MEGF9: variants seen among roughly 807,000 people sequenced by gnomAD.
The protein encoded by MEGF9 is multiple epidermal growth factor-like domains protein 9.
In MEGF9, 6 loss-of-function variants were observed where a neutral mutation model predicts 46.8. The ratio of observed to expected loss-of-function variants is 0.13; its 90% CI spans 0.07 to 0.25. MEGF9 has a LOEUF of 0.25. Among genes scored for constraint, MEGF9 ranks in the 10% least tolerant of loss-of-function variants. The probability of loss-of-function intolerance (pLI) is 1.00; values close to 1 mark genes in which losing one functional copy is unlikely to be tolerated. For synonymous variants in MEGF9, 302 were observed against 330.7 expected, an observed-to-expected ratio of 0.91 and a Z score of 0.94; for missense variants, 683 against 792.4, an observed-to-expected ratio of 0.86 and a Z score of 1.66.
At chr9:120,625,346 C>T (rs1342025414) in intron 2 of MEGF9, among the ~76,000 whole-genome samples, 2 of 152,138 alleles carry the variant, frequency 1.3e-5, no homozygotes, top group Non-Finnish European at 2.9e-5. Context: ...CCTAAGTATT[C>T]AGGGATTAGG....
Position 120,714,092 on chromosome 9 carries a change from T to A in MEGF9, c.267A>T (p.Arg89=). 8.0e-7 allele frequency: 1 copy of A among 1,254,794 alleles called. No individual in the cohort carries two copies. The highest frequency in any genetic ancestry group is 1.0e-6 in the Non-Finnish European group (1 of 999,626). 77.7% of individuals were successfully genotyped at this position (1,254,794 alleles called of 1,614,324 possible). Residue 89 remains arginine, a synonymous_variant, in exon 1 of 6, where the codon CGA becomes CGT. Transcript: ENST00000373930. ...GGGCTGGAGAAGTCGCAGCCAGGGGTCGGTGGACGGTGGCGCGCGGGGGCC... is the reference window on the plus strand; with the variant it reads ...GGGCTGGAGAAGTCGCAGCCAGGGGACGGTGGACGGTGGCGCGCGGGGGCC... ...RTGPPRATVH[R]PLAATSPAQS...
In MEGF9 at chr9:120,605,378, A is replaced by G. The variant is rs982251735; in HGVS notation, c.1621T>C (p.Tyr541His). Residue 541 changes from tyrosine (Y) to histidine (H), a missense_variant, in exon 6 of 6, where the codon TAC becomes CAC. Around this residue, in one of 2 missense-constraint regions of MEGF9, gnomAD observed 313 missense variants for 421.1 expected, o/e 0.74. Transcript: ENST00000373930. The surrounding 1 kb of genome is among the most constrained non-coding windows in gnomAD (Gnocchi z 4.0). ...GGGGCATTGAGTTTCCGGTTTTGGT[A>G]CTCGCGGTACATATATACAGCCCCC... ...FVGAVYMYRE[Y>H]QNRKLNAPFW... 6 of 1,613,954 alleles carry G rather than the reference A, an allele frequency of 3.7e-6. No homozygotes were observed. The highest frequency in any genetic ancestry group is 5.1e-6 in the Non-Finnish European group (6 of 1,179,886).
intron 2 of MEGF9, among the ~76,000 whole-genome samples, chr9:120,629,870 T>C (rs377468006): frequency 3.3e-5 from 5 of 151,838 alleles, no homozygotes; most frequent in Non-Finnish European, 5.9e-5. Flanking sequence ...CAGGTGGAGG[T>C]TGCAGTGAGC....
At position 120,654,487 on chromosome 9, in the gene MEGF9, T is replaced by C. The variant is rs117175202; in HGVS notation, c.803+4887A>G. On this transcript the variant is annotated intron_variant, in intron 2 of 5. Coordinates refer to ENST00000373930, the MANE Select transcript of MEGF9 (RefSeq NM_001080497.3). ...AGCTGTGGTAACACACTGCAACATA[T>C]TACTCATGTGTTCATGGTGATGTTG... Among the ~76,000 whole-genome samples the C allele has an allele frequency of 4.3e-4, 65 of 152,314 alleles. 1 individual carries two copies. In the East Asian group the frequency reaches 7.9e-3, roughly 19 times the overall value.
intron 2 of MEGF9, among the ~76,000 whole-genome samples, chr9:120,644,638 T>C (rs1208853555): frequency 6.6e-6 from 1 of 152,220 alleles, no homozygotes; most frequent in East Asian, 1.9e-4. Context: ...AAATTAAGCC[T>C]CAGTTTCTTC....
intron 1 of MEGF9, among the ~76,000 whole-genome samples, chr9:120,676,627 T>C (rs1344987248): frequency 6.6e-6 from 1 of 152,176 alleles, no homozygotes; most frequent in Non-Finnish European, 1.5e-5. Context: ...GATCTTCCAT[T>C]AAAGGTCATA....
chr9:120,607,694 T>C (rs2043425690), intron 5 of MEGF9, 47 bp downstream of exon 5: 2 of 1,587,814 alleles, frequency 1.3e-6, no homozygotes, highest in East Asian at 4.5e-5. Context: ...CATTTTTCAC[T>C]GCTAGTTTTA....
At chr9:120,673,094 T>C (rs1013155364) in intron 1 of MEGF9, among the ~76,000 whole-genome samples, 11 of 152,202 alleles carry the variant, frequency 7.2e-5, no homozygotes, top group Admixed American at 2.0e-4. Flanking sequence ...CTATGTGTTA[T>C]GAATGAACAG....
At chr9:120,690,118 C>A in intron 1 of MEGF9, 14 of 389,802 alleles carry the variant, frequency 3.6e-5, no homozygotes, top group South Asian at 2.8e-4. Context: ...AATAAACATT[C>A]CAGATATATA....
intron 1 of MEGF9, among the ~76,000 whole-genome samples, chr9:120,669,918 G>C (rs942532351): frequency 1.3e-5 from 2 of 152,126 alleles, no homozygotes; most frequent in Non-Finnish European, 2.9e-5. Flanking sequence ...ATTAGAGTTG[G>C]TTAAACTACA....
chr9:120,701,075 C>A (rs1049546519), intron 1 of MEGF9, among the ~76,000 whole-genome samples: 1 of 150,910 alleles, frequency 6.6e-6, no homozygotes, highest in African/African-American at 2.4e-5. Context: ...GCCACAATCA[C>A]GCCACTGCAC....
intron 2 of MEGF9, among the ~76,000 whole-genome samples, chr9:120,627,555 T>C (rs7871141): frequency 0.057 from 8,639 of 152,206 alleles, 813 homozygotes; most frequent in African/African-American, 0.2. Context: ...CTCCGCCTCC[T>C]GGGTTCAAGC....
chr9:120,619,471 C>T (rs753679589), intron 3 of MEGF9, among the ~76,000 whole-genome samples: 4 of 152,194 alleles, frequency 2.6e-5, no homozygotes, highest in East Asian at 3.8e-4. Context: ...TTAATCTTCA[C>T]GACAACCCAC....
chr9:120,662,488 G>T (rs1387591983), intron 1 of MEGF9, among the ~76,000 whole-genome samples: 1 of 152,210 alleles, frequency 6.6e-6, no homozygotes, highest in African/African-American at 2.4e-5. Flanking sequence ...AAAGAGTTAT[G>T]AAGTTATGAG....
chr9:120,658,711 T>C (rs913154057), intron 2 of MEGF9, among the ~76,000 whole-genome samples: 1 of 152,178 alleles, frequency 6.6e-6, no homozygotes, highest in Non-Finnish European at 1.5e-5. Context: ...AAAAGCCAAG[T>C]GCCTCACATA....
intron 1 of MEGF9, among the ~76,000 whole-genome samples, chr9:120,673,767 A>T (rs1333330438): frequency 6.6e-6 from 1 of 152,064 alleles, no homozygotes; most frequent in African/African-American, 2.4e-5. Flanking sequence ...GGAGTTCAAG[A>T]CTAGCCTGGC....
rs1007891262 is a variant in MEGF9 at position 120,670,479 on chromosome 9, C to A, written c.602-10904G>T. On this transcript the variant is annotated intron_variant, in intron 1 of 5. Coordinates refer to ENST00000373930, the MANE Select transcript of MEGF9 (RefSeq NM_001080497.3). ...TTAGAGAAAGTTACAATATAAAGAC[C>A]TAGTGTGTTAAAGGTTTTACTTTCA... Among the ~76,000 whole-genome samples the A allele has an allele frequency of 1.2e-4, 19 of 152,174 alleles. 1 individual carries two copies. The highest frequency in any genetic ancestry group is 3.4e-4 in the African/African-American group (14 of 41,442).
At chr9:120,680,247 G>C (rs1401501975) in intron 1 of MEGF9, among the ~76,000 whole-genome samples, 1 of 151,972 alleles carries the variant, frequency 6.6e-6, no homozygotes, top group Non-Finnish European at 1.5e-5. Context: ...TGGTGTCTAG[G>C]CATTGAAGAG....
chr9:120,605,668 G>A lies in MEGF9; in HGVS notation c.1358-27C>T. ...TGAAAATAAAAACAGAGAATGAAAT[G>A]TAAAAGACAAAATTATCTAGTTTTG... is the stretch of plus-strand genomic sequence containing the variant. On this transcript the variant is annotated intron_variant, in intron 5 of 5. Coordinates refer to ENST00000373930, the MANE Select transcript of MEGF9 (RefSeq NM_001080497.3). The surrounding 1 kb of genome is among the most constrained non-coding windows in gnomAD (Gnocchi z 4.0). 6.8e-7 allele frequency: 1 copy of A among 1,469,048 alleles called. No homozygotes were observed. The highest frequency in any genetic ancestry group is 9.2e-7 in the Non-Finnish European group (1 of 1,091,630). The allele number at this position is 1,469,048 out of a possible 1,614,324, so 91.0% of individuals were successfully genotyped here.
Sources: gnomAD v4.1 joint callset for allele counts (sites outside exome capture counted in the v4.1 genomes callset) on GRCh38, gnomAD v4.1.1 for gene constraint, gnomAD v4.1.1 regional missense constraint, Gnocchi (gnomAD v3.1) non-coding constraint, MANE v1.5 for transcripts, NCBI Gene and HGNC (gene_info 2026-07-23, HGNC 2026-07-21) for gene names.